Variants in CSGALNACT1 observed in about 807,000 individuals in gnomAD.
CSGALNACT1 encodes chondroitin sulfate N-acetylgalactosaminyltransferase 1.
Under a neutral mutation model 51.0 loss-of-function variants are expected in CSGALNACT1, and 52 were observed. The ratio of observed to expected loss-of-function variants is 1.02; its 90% CI spans 0.82 to 1.29. CSGALNACT1 has a LOEUF of 1.29. CSGALNACT1 is among the 50% of genes most tolerant of loss of function. CSGALNACT1 has a pLI of 0.00. For missense variants in CSGALNACT1, 935 were observed against 679.2 expected, an observed-to-expected ratio of 1.38 and a Z score of -4.19; for synonymous variants, 341 against 254.4, an observed-to-expected ratio of 1.34 and a Z score of -3.24.
chr8:19,496,082 G>C (rs796106171), intron 4 of CSGALNACT1, among the ~76,000 whole-genome samples: 69 of 152,198 alleles, frequency 4.5e-4, no homozygotes, highest in Middle Eastern at 3.4e-3. Flanking sequence ...CCACCAATTT[G>C]GAGCAGTATG....
chr8:19,465,433 G>A (rs2066451969), intron 4 of CSGALNACT1, among the ~76,000 whole-genome samples: 1 of 152,118 alleles, frequency 6.6e-6, no homozygotes, highest in African/African-American at 2.4e-5. Context: ...GGTGATGGAT[G>A]CGCAAGAATG....
At chr8:19,489,808 T>G (rs958438701) in intron 4 of CSGALNACT1, among the ~76,000 whole-genome samples, 4 of 152,088 alleles carry the variant, frequency 2.6e-5, no homozygotes, top group African/African-American at 9.7e-5. Context: ...AAACCAAAAA[T>G]CTCTCCTTCA....
intron 5 of CSGALNACT1, 91 bp downstream of exon 4, chr8:19,458,335 G>C (rs1007483177): frequency 3.8e-6 from 4 of 1,063,682 alleles, no homozygotes; most frequent in Non-Finnish European, 5.9e-6. Flanking sequence ...CTTTGTACTC[G>C]GCAGGGGAAA....
intron 8 of CSGALNACT1, among the ~76,000 whole-genome samples, chr8:19,414,594 TACACAC>T (rs10555160): frequency 8.6e-5 from 13 of 150,724 alleles, no homozygotes; most frequent in East Asian, 7.8e-4. Context: ...AACACACACA[TACACAC>T]ACACACACAC....
chr8:19,507,537 A>G (rs1217120176), intron 3 of CSGALNACT1, among the ~76,000 whole-genome samples: 1 of 151,370 alleles, frequency 6.6e-6, no homozygotes, highest in African/African-American at 2.4e-5. Context: ...AGAAAAAAAA[A>G]AAAAAAAAAA....
chr8:19,433,655 G>A (rs564155942), intron 6 of CSGALNACT1, among the ~76,000 whole-genome samples: 44 of 152,222 alleles, frequency 2.9e-4, no homozygotes, highest in Admixed American at 9.2e-4. Context: ...AGGAACCTCC[G>A]GACAGTTCAA....
At chr8:19,524,377 A>G (rs1444283079) in intron 3 of CSGALNACT1, among the ~76,000 whole-genome samples, 1 of 152,174 alleles carries the variant, frequency 6.6e-6, no homozygotes, top group Non-Finnish European at 1.5e-5. Flanking sequence ...TATTTTAATA[A>G]AAAGACGAAA....
upstream of CSGALNACT1, among the ~76,000 whole-genome samples, chr8:19,684,557 G>C (rs986484317): frequency 3.3e-4 from 50 of 152,132 alleles, no homozygotes; most frequent in African/African-American, 1.1e-3. Flanking sequence ...AAAGGGAACA[G>C]ATGCCTCCTC....
chr8:19,644,634 C>T (rs1257069470), intron 1 of CSGALNACT1, among the ~76,000 whole-genome samples: 4 of 139,046 alleles, frequency 2.9e-5, no homozygotes, highest in African/African-American at 5.4e-5. Flanking sequence ...TGCTTGAACC[C>T]GGGAGGCAGA....
At chr8:19,724,356 T>A (rs1392885436) in intron 1 of CSGALNACT1, among the ~76,000 whole-genome samples, 1 of 152,180 alleles carries the variant, frequency 6.6e-6, no homozygotes, top group African/African-American at 2.4e-5. Context: ...AGAAAATCCA[T>A]TTCCATGCCT....
intron 3 of CSGALNACT1, among the ~76,000 whole-genome samples, chr8:19,533,714 A>G (rs76426396): frequency 0.023 from 3,573 of 152,316 alleles, 151 homozygotes; most frequent in African/African-American, 0.082. Flanking sequence ...ACAATGCAGA[A>G]TAACGCTTAG....
At chr8:19,527,049 G>A (rs1587849785) in intron 3 of CSGALNACT1, among the ~76,000 whole-genome samples, 1 of 152,230 alleles carries the variant, frequency 6.6e-6, no homozygotes, top group East Asian at 1.9e-4. Context: ...TATATACTAT[G>A]TAGCTAAAGA....
At chr8:19,612,067 G>C (rs557148623) in intron 1 of CSGALNACT1, among the ~76,000 whole-genome samples, 2 of 152,228 alleles carry the variant, frequency 1.3e-5, no homozygotes, top group African/African-American at 4.8e-5. Flanking sequence ...CATGAGACCA[G>C]CACAGTGGTT....
At chr8:19,711,012 G>T (rs1288474408) in intron 1 of CSGALNACT1, among the ~76,000 whole-genome samples, 1 of 151,840 alleles carries the variant, frequency 6.6e-6, no homozygotes, top group Non-Finnish European at 1.5e-5. Flanking sequence ...GTGGTTCATT[G>T]CCCCACCCAC....
At chr8:19,490,136 C>T (rs1463690210) in intron 4 of CSGALNACT1, among the ~76,000 whole-genome samples, 2 of 152,198 alleles carry the variant, frequency 1.3e-5, no homozygotes, top group Admixed American at 6.5e-5. Context: ...AATAGCCCTG[C>T]TCTTCCCCCG....
At chr8:19,708,482 C>A (rs1360397528) in intron 1 of CSGALNACT1, among the ~76,000 whole-genome samples, 1 of 152,172 alleles carries the variant, frequency 6.6e-6, no homozygotes, top group African/African-American at 2.4e-5. Context: ...GGGAGGCTGT[C>A]CTCACAAGCC....
intron 6 of CSGALNACT1, among the ~76,000 whole-genome samples, chr8:19,428,252 G>C (rs1359628937): frequency 6.6e-6 from 1 of 152,164 alleles, no homozygotes; most frequent in African/African-American, 2.4e-5. Context: ...TGCTAATAAA[G>C]ACATATCGAA....
At chr8:19,469,314 C>T (rs969248666) in intron 4 of CSGALNACT1, among the ~76,000 whole-genome samples, 1 of 152,036 alleles carries the variant, frequency 6.6e-6, no homozygotes, top group African/African-American at 2.4e-5. Flanking sequence ...TCCCTTGAGC[C>T]CAGGAGATCG....
Position 19,555,428 on chromosome 8 carries a change from G to T in CSGALNACT1, c.-297+35732C>A, listed in dbSNP as rs2089474286. Among the ~76,000 whole-genome samples the T allele has an allele frequency of 5.9e-5, 9 of 152,262 alleles. No homozygotes were observed. In the South Asian group the frequency reaches 1.9e-3, roughly 32 times the overall value. On this transcript the variant is annotated intron_variant, in intron 3 of 9. Coordinates refer to ENST00000454498, the Ensembl canonical transcript of CSGALNACT1. ...AGAAAATGACAAACTATCAGATGCA[G>T]TAAGAGAGGTCCACTTTAAAGGGCT...
Sources: allele counts gnomAD v4.1 joint callset (sites outside exome capture counted in the v4.1 genomes callset), GRCh38; gene constraint gnomAD v4.1.1; transcripts MANE v1.5; gene names NCBI Gene and HGNC (gene_info 2026-07-23, HGNC 2026-07-21).